Variants in ADAMTS6 observed in about 807,000 individuals in gnomAD.
ADAMTS6 encodes the protein ADAM metallopeptidase with thrombospondin type 1 motif 6.
In ADAMTS6, 23 loss-of-function variants were observed where a neutral mutation model predicts 144.3. The ratio of observed to expected loss-of-function variants is 0.16; its 90% CI spans 0.11 to 0.23. ADAMTS6 has a LOEUF of 0.23. ADAMTS6 is among the 10% of genes least tolerant of loss of function. The probability of loss-of-function intolerance (pLI) is 1.00; values close to 1 mark genes in which losing one functional copy is unlikely to be tolerated. For missense variants in ADAMTS6, 999 were observed against 1,379.6 expected, an observed-to-expected ratio of 0.72 and a Z score of 4.37; for synonymous variants, 444 against 457.5, an observed-to-expected ratio of 0.97 and a Z score of 0.38.
At chr5:65,331,319 T>C (rs67051312) in intron 8 of ADAMTS6, among the ~76,000 whole-genome samples, 41,542 of 151,936 alleles carry the variant, frequency 0.27, 6,590 homozygotes, top group South Asian at 0.4. Flanking sequence ...GTGTCGTTTT[T>C]TGGTATGTGC....
At chr5:65,166,830 C>A in intron 24 of ADAMTS6, among the ~76,000 whole-genome samples, 1 of 88,082 alleles carries the variant, frequency 1.1e-5, no homozygotes, top group South Asian at 5.2e-4. Context: ...TTCTTTGAAA[C>A]CAACGAGAAC....
At chr5:65,291,020 C>T (rs1742250167) in intron 11 of ADAMTS6, among the ~76,000 whole-genome samples, 1 of 151,976 alleles carries the variant, frequency 6.6e-6, no homozygotes, top group Admixed American at 6.6e-5. Context: ...ATTTTAAAGC[C>T]ATAACATTTC....
chr5:65,263,978 T>G (rs1359410759), intron 12 of ADAMTS6, among the ~76,000 whole-genome samples: 1 of 152,180 alleles, frequency 6.6e-6, no homozygotes, highest in Non-Finnish European at 1.5e-5. Flanking sequence ...TAGAAAGTGA[T>G]CAGTTTATTA....
intron 7 of ADAMTS6, among the ~76,000 whole-genome samples, chr5:65,342,929 G>A (rs905848741): frequency 1.3e-5 from 2 of 151,908 alleles, no homozygotes; most frequent in Admixed American, 6.6e-5. Context: ...AAAAAATCCA[G>A]AAGACAATCC....
At chr5:65,453,221 T>C (rs1158204106) in intron 4 of ADAMTS6, among the ~76,000 whole-genome samples, 1 of 152,138 alleles carries the variant, frequency 6.6e-6, no homozygotes, top group Non-Finnish European at 1.5e-5. Flanking sequence ...CTTAATACAT[T>C]TAAATTTAGG....
At chr5:65,305,202 A>C (rs1652730318) in intron 9 of ADAMTS6, among the ~76,000 whole-genome samples, 1 of 152,238 alleles carries the variant, frequency 6.6e-6, no homozygotes, top group African/African-American at 2.4e-5. Context: ...CTATTTTTGA[A>C]TCTGGGTAAT....
chr5:65,156,479 G>C (rs974958599), intron 24 of ADAMTS6, among the ~76,000 whole-genome samples: 3 of 152,054 alleles, frequency 2.0e-5, no homozygotes, highest in Admixed American at 6.6e-5. Flanking sequence ...TTTAATTTCT[G>C]AATGATTTAC....
At chr5:65,431,139 C>A (rs1213397196) in intron 7 of ADAMTS6, among the ~76,000 whole-genome samples, 1 of 152,066 alleles carries the variant, frequency 6.6e-6, no homozygotes, top group Non-Finnish European at 1.5e-5. Context: ...ATTTCTACAG[C>A]CTCAAAATTA....
At chr5:65,424,361 G>A (rs1453181894) in intron 7 of ADAMTS6, among the ~76,000 whole-genome samples, 2 of 152,214 alleles carry the variant, frequency 1.3e-5, no homozygotes, top group African/African-American at 4.8e-5. Context: ...AAGATTAAGT[G>A]TGCTCAAACT....
At chr5:65,351,933 G>C (rs1748890669) in intron 7 of ADAMTS6, among the ~76,000 whole-genome samples, 1 of 152,176 alleles carries the variant, frequency 6.6e-6, no homozygotes, top group African/African-American at 2.4e-5. Context: ...CACATAGCCA[G>C]ATAATATCTA....
chr5:65,341,994 G>A (rs1291492457), intron 7 of ADAMTS6, among the ~76,000 whole-genome samples: 1 of 152,036 alleles, frequency 6.6e-6, no homozygotes, highest in Non-Finnish European at 1.5e-5. Context: ...AATACACCAT[G>A]ATCAAATGAG....
chr5:65,470,332 CTG>C (rs1414538313), intron 3 of ADAMTS6, among the ~76,000 whole-genome samples: 3 of 152,028 alleles, frequency 2.0e-5, no homozygotes, highest in African/African-American at 7.3e-5. Flanking sequence ...GAACTTATAA[CTG>C]TAAGTAGGTC....
intron 20 of ADAMTS6, among the ~76,000 whole-genome samples, chr5:65,207,165 T>G (rs1226410164): frequency 1.3e-5 from 2 of 152,168 alleles, no homozygotes; most frequent in Non-Finnish European, 2.9e-5. Flanking sequence ...GCTTTATCTC[T>G]TCCCCCAAAG....
chr5:65,315,972 C>T (rs1580371813), intron 9 of ADAMTS6, among the ~76,000 whole-genome samples: 2 of 152,136 alleles, frequency 1.3e-5, no homozygotes, highest in East Asian at 3.9e-4. Flanking sequence ...AGTGCAGTAG[C>T]GCAAGCTCAG....
intron 20 of ADAMTS6, among the ~76,000 whole-genome samples, chr5:65,197,717 G>C (rs890129439): frequency 1.3e-5 from 2 of 151,936 alleles, no homozygotes; most frequent in African/African-American, 4.8e-5. Context: ...GATTGCAGTG[G>C]GCCTCTTTTG....
chr5:65,354,800 G>A (rs1007764242), intron 7 of ADAMTS6, among the ~76,000 whole-genome samples: 2 of 151,704 alleles, frequency 1.3e-5, no homozygotes, highest in African/African-American at 4.8e-5. Flanking sequence ...GATGGTATTT[G>A]TGGCATTATA....
At chr5:65,342,184 T>G (rs1721381454) in intron 7 of ADAMTS6, among the ~76,000 whole-genome samples, 1 of 152,018 alleles carries the variant, frequency 6.6e-6, no homozygotes, top group South Asian at 2.1e-4. Flanking sequence ...ATAGAAGGTG[T>G]ATTAGTCCAT....
chr5:65,452,462 T>TAAAA (rs397976555), intron 5 of ADAMTS6, among the ~76,000 whole-genome samples: 30 of 137,628 alleles, frequency 2.2e-4, no homozygotes, highest in South Asian at 4.7e-4. Context: ...TGTTTCAAGT[T>TAAAA]AAAAAAAAAA....
chr5:65,369,043 G>C (rs535609296), intron 7 of ADAMTS6, among the ~76,000 whole-genome samples: 1 of 151,830 alleles, frequency 6.6e-6, no homozygotes, highest in Non-Finnish European at 1.5e-5. Context: ...GTGACAGAGT[G>C]AGACTGTCTC....
Sources: allele counts gnomAD v4.1 joint callset (sites outside exome capture counted in the v4.1 genomes callset), GRCh38; gene constraint gnomAD v4.1.1; transcripts MANE v1.5; gene names NCBI Gene and HGNC (gene_info 2026-07-23, HGNC 2026-07-21).